The following PTPRD variants were observed in gnomAD, a reference collection of about 807,000 sequenced individuals.
PTPRD encodes protein tyrosine phosphatase receptor type D, also known as receptor-type tyrosine-protein phosphatase delta.
Under a neutral mutation model 214.5 loss-of-function variants are expected in PTPRD, and 34 were observed. The observed-to-expected ratio is 0.16, with a 90% CI of 0.12 to 0.21. PTPRD has a LOEUF of 0.21. Ranked by LOEUF, PTPRD falls within the 10% of genes least tolerant of loss-of-function variation. The pLI, the probability that PTPRD is intolerant of heterozygous loss-of-function variation, is 1.00. For missense variants in PTPRD, 2,545 were observed against 2,398.7 expected (o/e 1.06, Z -1.27); for synonymous variants, 1,128 against 845.7 (o/e 1.33, Z -5.79).
intron 2 of PTPRD, among the ~76,000 whole-genome samples, chr9:10,474,784 C>G (rs2099052276): frequency 6.6e-6 from 1 of 152,122 alleles, no homozygotes; most frequent in Non-Finnish European, 1.5e-5. Flanking sequence ...AACAAACAGT[C>G]ACTCAGACCA....
At chr9:9,357,613 T>A (rs961017504) in intron 9 of PTPRD, among the ~76,000 whole-genome samples, 2 of 150,954 alleles carry the variant, frequency 1.3e-5, no homozygotes, top group Non-Finnish European at 3.0e-5. Flanking sequence ...AGCAAGTGAA[T>A]GAGGGAAAGA....
chr9:9,757,414 A>T (rs1374448916), intron 6 of PTPRD, among the ~76,000 whole-genome samples: 1 of 152,198 alleles, frequency 6.6e-6, no homozygotes, highest in Non-Finnish European at 1.5e-5. Context: ...GCAACTGAAA[A>T]CACTAATTTT....
intron 8 of PTPRD, among the ~76,000 whole-genome samples, chr9:9,422,036 C>A (rs558466880): frequency 1.3e-5 from 2 of 151,668 alleles, no homozygotes; most frequent in Admixed American, 1.3e-4. Flanking sequence ...GTAATGAAAG[C>A]TTTTGACATC....
chr9:10,054,331 A>G (rs2154157680), intron 3 of PTPRD, among the ~76,000 whole-genome samples: 1 of 152,302 alleles, frequency 6.6e-6, no homozygotes. Flanking sequence ...TCTCTCATTC[A>G]TGAGGACTAC....
chr9:8,590,562 C>T (rs2094019656), intron 14 of PTPRD, among the ~76,000 whole-genome samples: 1 of 152,068 alleles, frequency 6.6e-6, no homozygotes, highest in Admixed American at 6.6e-5. Context: ...AGCTACTTTC[C>T]CATCTTGCAA....
At chr9:9,733,713 A>T (rs2821461) in intron 7 of PTPRD, among the ~76,000 whole-genome samples, 89,595 of 151,990 alleles carry the variant, frequency 0.59, 28,954 homozygotes, top group African/African-American at 0.84. Context: ...TATTATGGAA[A>T]GGGTCACTGC....
rs1555458106 is a variant in PTPRD, at chr9:9,479,223, C to CAA, written c.-236-81742_-236-81741insTT. 1.3e-4 allele frequency among the ~76,000 whole-genome samples: 2 copies of CAA among 15,994 alleles called. 1 individual carries two copies. The highest frequency in any genetic ancestry group is 4.2e-4 in the African/African-American group (2 of 4,776). The allele number at this position is 15,994 out of a possible 152,430, so 10.5% of individuals were successfully genotyped here. A position where few individuals can be genotyped will look rare whatever the true frequency, so the allele number is the denominator to read the frequency against. ...CATACATACACACACACGCCCCCCC[C>CAA]CCCCCCACACACACACCCACCTCTA... On this transcript the variant is annotated intron_variant, in intron 8 of 45. Transcript: ENST00000381196.
At chr9:10,414,232 C>A (rs1334338943) in intron 2 of PTPRD, among the ~76,000 whole-genome samples, 2 of 151,672 alleles carry the variant, frequency 1.3e-5, no homozygotes, top group African/African-American at 4.8e-5. Flanking sequence ...CATCTAGCGT[C>A]TATAGGGAAC....
chr9:10,196,442 T>C (rs1002862061), intron 3 of PTPRD, among the ~76,000 whole-genome samples: 1 of 152,158 alleles, frequency 6.6e-6, no homozygotes, highest in Non-Finnish European at 1.5e-5. Flanking sequence ...ATTACATTCT[T>C]AGGTCACCTG....
intron 37 of PTPRD, among the ~76,000 whole-genome samples, chr9:8,388,982 C>CTTTTTTTTTTTTTTTTTTTTTTTTTTT (rs34248103): frequency 7.7e-6 from 1 of 130,054 alleles, no homozygotes; most frequent in Non-Finnish European, 1.6e-5. Context: ...GTGAATATTC[C>CTTTTTTTTTTTTTTTTTTTTTTTTTTT]TTTTTTTTTT....
At chr9:10,421,721 C>G (rs914128339) in intron 2 of PTPRD, among the ~76,000 whole-genome samples, 2 of 151,866 alleles carry the variant, frequency 1.3e-5, no homozygotes, top group African/African-American at 4.8e-5. Context: ...GTAACCGTCT[C>G]TTTCATAGAA....
At chr9:9,580,479 C>A (rs569367224) in intron 7 of PTPRD, among the ~76,000 whole-genome samples, 1 of 151,380 alleles carries the variant, frequency 6.6e-6, no homozygotes, top group South Asian at 2.1e-4. Flanking sequence ...ATTTTTGATG[C>A]GCTTGTTGGC....
At chr9:10,254,415 G>T (rs531980339) in intron 3 of PTPRD, among the ~76,000 whole-genome samples, 3 of 151,824 alleles carry the variant, frequency 2.0e-5, no homozygotes, top group African/African-American at 7.3e-5. Flanking sequence ...TATTCACAGT[G>T]CATGTCCTAG....
intron 11 of PTPRD, among the ~76,000 whole-genome samples, chr9:8,803,195 T>C (rs1034594176): frequency 2.0e-5 from 3 of 152,224 alleles, no homozygotes; most frequent in Non-Finnish European, 4.4e-5. Flanking sequence ...GCTATTATTT[T>C]TATTTATGAA....
intron 14 of PTPRD, among the ~76,000 whole-genome samples, chr9:8,552,939 G>A (rs950611289): frequency 6.6e-6 from 1 of 152,116 alleles, no homozygotes; most frequent in Non-Finnish European, 1.5e-5. Context: ...AGAGCCAATA[G>A]CATGCCACAT....
chr9:8,362,940 A>G (rs80162440), intron 39 of PTPRD, among the ~76,000 whole-genome samples: 10,399 of 152,262 alleles, frequency 0.068, 474 homozygotes, highest in Middle Eastern at 0.14. Flanking sequence ...TTTTATTAAG[A>G]CACACTTAAA....
intron 8 of PTPRD, among the ~76,000 whole-genome samples, chr9:9,523,870 T>C (rs555513341): frequency 2.0e-5 from 3 of 152,262 alleles, no homozygotes; most frequent in Admixed American, 6.5e-5. Context: ...TTACCCCGTG[T>C]CCTTTCTTTT....
At chr9:9,827,058 C>A (rs184986722) in intron 5 of PTPRD, among the ~76,000 whole-genome samples, 1 of 152,060 alleles carries the variant, frequency 6.6e-6, no homozygotes, top group Non-Finnish European at 1.5e-5. Flanking sequence ...GAATCAATAT[C>A]GTGAAAATGG....
chr9:8,679,942 C>A (rs979513816), intron 12 of PTPRD, among the ~76,000 whole-genome samples: 1 of 152,142 alleles, frequency 6.6e-6, no homozygotes, highest in Admixed American at 6.6e-5. Context: ...CACTGCATGT[C>A]TACTAGAGAA....
Sources: allele counts gnomAD v4.1 joint callset (sites outside exome capture counted in the v4.1 genomes callset), GRCh38; gene constraint gnomAD v4.1.1; transcripts MANE v1.5; gene names NCBI Gene and HGNC (gene_info 2026-07-23, HGNC 2026-07-21).